CORO1C: variants seen among roughly 807,000 people sequenced by gnomAD.
CORO1C encodes the protein coronin 1C.
A neutral mutation model predicts 51.2 loss-of-function variants in CORO1C; 14 were observed. The observed-to-expected ratio is 0.27, with a 90% CI of 0.18 to 0.43. The LOEUF (loss-of-function observed/expected upper bound fraction) is 0.43. CORO1C is among the 20% of genes least tolerant of loss of function. The probability of loss-of-function intolerance (pLI) is 1.00; values close to 1 mark genes in which losing one functional copy is unlikely to be tolerated. For synonymous variants in CORO1C, 181 were observed against 210.5 expected (o/e 0.86, Z 1.21); for missense variants, 417 against 607.8 (o/e 0.69, Z 3.30).
chr12:108,680,486 C>T (rs370424163), intron 2 of CORO1C, among the ~76,000 whole-genome samples: 10 of 152,322 alleles, frequency 6.6e-5, no homozygotes, highest in African/African-American at 2.4e-4. Context: ...CATTTACAGG[C>T]AGCGAAGTAT....
intron 2 of CORO1C, among the ~76,000 whole-genome samples, chr12:108,680,882 T>C (rs183145202): frequency 6.6e-6 from 1 of 152,354 alleles, no homozygotes; most frequent in East Asian, 1.9e-4. Context: ...CTTGAGTTAC[T>C]ACCCCAGGTA....
chr12:108,701,127 G>C lies in CORO1C; in HGVS notation c.192C>G (p.His64Gln), dbSNP rs200628009. 1.2e-6 allele frequency: 2 copies of C among 1,614,052 alleles called. No individual in the cohort carries two copies. The highest frequency in any genetic ancestry group is 4.5e-5 in the East Asian group (2 of 44,884). The change falls in exon 2 of 11, where the codon CAC (histidine) becomes CAG (glutamine). Residue 64 changes from histidine to glutamine, a missense_variant. By Grantham distance (24) the His-to-Gln change is conservative. Transcript: ENST00000261401. Reference protein sequence around the residue: ...GGGAFLVLPLHKTGRIDKSYP... With the variant: ...GGGAFLVLPLQKTGRIDKSYP... ...AATGGAAGATCAAATTACCTACCTT[G>C]TGCAGAGGGAGGACAAGGAACGCTC...
In CORO1C at chr12:108,646,913, G is replaced by A. The variant is rs1565896276; in HGVS notation, c.*490C>T. ...ACAGTGCTGTCCCTTTCAAATTAAG[G>A]AAAAAAAACCACACACACAAATACT... On this transcript the variant is annotated 3_prime_UTR_variant, in exon 11 of 11. Transcript: ENST00000261401. The A allele has an allele frequency of 6.6e-6, 1 of 151,470 alleles. No homozygotes were observed. Among genetic ancestry groups the A allele is most frequent in the African/African-American group, 2.4e-5 (1 of 41,008 alleles). 9.4% of individuals were successfully genotyped at this position (151,470 alleles called of 1,614,324 possible).
chr12:108,689,600 A>G (rs1057481722), intron 2 of CORO1C, among the ~76,000 whole-genome samples: 1 of 152,178 alleles, frequency 6.6e-6, no homozygotes, highest in Non-Finnish European at 1.5e-5. Flanking sequence ...CTCTATGCCT[A>G]TTATCCAGAC....
Position 108,648,635 on chromosome 12 carries a change from G to A in CORO1C, c.1275C>T (p.Ile425=). 6.2e-6 allele frequency: 10 copies of A among 1,614,192 alleles called. No homozygotes were observed. Among genetic ancestry groups the A allele is most frequent in the Non-Finnish European group, 8.5e-6 (10 of 1,180,030 alleles). Residue 425 remains isoleucine (I), a synonymous_variant, in exon 10 of 11, where the codon ATC becomes ATT. Coordinates refer to ENST00000261401, the MANE Select transcript of CORO1C (RefSeq NM_014325.4). ...TGGCCGTGTCTGTGGTTTTCTTGGG[G>A]ATGCTGATCAGGTCGCACTTCTTGT... ...TANKKCDLIS[I]PKKTTDTASV...
intron 7 of CORO1C, among the ~76,000 whole-genome samples, chr12:108,653,519 A>G (rs1472669042): frequency 1.3e-5 from 2 of 152,210 alleles, no homozygotes; most frequent in African/African-American, 4.8e-5. Context: ...CAACAGCTCC[A>G]CTGTTATTAA....
At chr12:108,706,337 G>A (rs989722685) in intron 1 of CORO1C, among the ~76,000 whole-genome samples, 3 of 152,090 alleles carry the variant, frequency 2.0e-5, no homozygotes, top group African/African-American at 7.2e-5. Flanking sequence ...AATATTCAAT[G>A]GCGAAAGATG....
intron 2 of CORO1C, among the ~76,000 whole-genome samples, chr12:108,679,109 C>CA (rs1183326267): frequency 0.039 from 839 of 21,670 alleles, 35 homozygotes; most frequent in African/African-American, 0.068. Context: ...GACTCTGTCT[C>CA]AAAAAAAAAA....
rs138109873 is a variant in CORO1C at position 108,689,351 on chromosome 12, A to C, written c.196-10957T>G. Among the ~76,000 whole-genome samples the C allele has an allele frequency of 2.2e-3, 339 of 152,358 alleles. 2 individuals carry two copies. The highest frequency in any genetic ancestry group is 7.9e-3 in the African/African-American group (327 of 41,590). ...TGTTTTCACAAAGTAATAAATTCCC[A>C]TGGTGATAAAAAGTGACACATTCAT... is the stretch of plus-strand genomic sequence containing the variant. On this transcript the variant is annotated intron_variant, in intron 2 of 10. Coordinates refer to ENST00000261401, the MANE Select transcript of CORO1C (RefSeq NM_014325.4).
intron 1 of CORO1C, among the ~76,000 whole-genome samples, chr12:108,703,328 A>G (rs1168777662): frequency 1.3e-5 from 2 of 152,246 alleles, no homozygotes; most frequent in Admixed American, 6.5e-5. Flanking sequence ...TAGACAAAGG[A>G]TATGAAGAAT....
intron 1 of CORO1C, among the ~76,000 whole-genome samples, chr12:108,718,200 A>C (rs2035386687): frequency 6.6e-6 from 1 of 152,150 alleles, no homozygotes; most frequent in Admixed American, 6.5e-5. Flanking sequence ...AAAAATATAA[A>C]AAATTAGCCA....
At chr12:108,702,772 T>A (rs2034913477) in intron 1 of CORO1C, 1 of 1,489,646 alleles carries the variant, frequency 6.7e-7, no homozygotes, top group Non-Finnish European at 8.9e-7. Context: ...GAGAGACGAA[T>A]TTATTTTTGC....
rs931609230 is a variant in CORO1C, at chr12:108,711,604, C to G, written c.-5-10281G>C. The stretch of plus-strand genomic sequence containing the variant: ...CTAAGGTAGGAGAATTGCTTGAACT[C>G]GGGAGGCAGAGGTTGCAGTGAACCG... On this transcript the variant is annotated intron_variant, in intron 1 of 10. Coordinates refer to ENST00000261401, the MANE Select transcript of CORO1C (RefSeq NM_014325.4). 6.0e-5 allele frequency among the ~76,000 whole-genome samples: 9 copies of G among 150,028 alleles called. No individual in the cohort carries two copies. The Admixed American group carries it at 6.0e-4, about 10-fold the overall frequency.
At chr12:108,714,535 T>C (rs1448837233) in intron 1 of CORO1C, among the ~76,000 whole-genome samples, 3 of 151,828 alleles carry the variant, frequency 2.0e-5, no homozygotes, top group Admixed American at 1.3e-4. Flanking sequence ...TCCCAGCACT[T>C]TGGGAGGCTG....
intron 1 of CORO1C, among the ~76,000 whole-genome samples, chr12:108,722,724 C>T (rs2035501325): frequency 6.6e-6 from 1 of 152,208 alleles, no homozygotes; most frequent in Admixed American, 6.5e-5. Context: ...CAAATGTACA[C>T]ACTGCCTGCC....
At chr12:108,702,826 C>G in intron 1 of CORO1C, 1 of 1,534,462 alleles carries the variant, frequency 6.5e-7, no homozygotes, top group Non-Finnish European at 8.7e-7. Context: ...AGTGGCCTCT[C>G]TCCAATGCTG....
rs183100267 is a variant in CORO1C, at chr12:108,710,402, A to T, written c.-5-9079T>A. Among the ~76,000 whole-genome samples the T allele has an allele frequency of 3.4e-3, 525 of 152,270 alleles. 4 individuals are homozygous for T. The highest frequency in any genetic ancestry group is 0.012 in the African/African-American group (507 of 41,538). ...TGTTTTCACTTTAAAAAGAAAAAAA[A>T]TGGATTACGGGACAGGTTTTGACTA... On this transcript the variant is annotated intron_variant, in intron 1 of 10. Transcript: ENST00000261401.
chr12:108,681,082 T>C (rs1456460919), intron 2 of CORO1C, among the ~76,000 whole-genome samples: 2 of 152,192 alleles, frequency 1.3e-5, no homozygotes, highest in East Asian at 3.8e-4. Flanking sequence ...GGCACAATCA[T>C]AGCTCACTCC....
chr12:108,654,696 T>C (rs1186527960), intron 6 of CORO1C, among the ~76,000 whole-genome samples: 2 of 151,900 alleles, frequency 1.3e-5, no homozygotes, highest in East Asian at 1.9e-4. Context: ...TTGTTACTGT[T>C]TTCTTTTTCT....
Sources: allele counts gnomAD v4.1 joint callset (sites outside exome capture counted in the v4.1 genomes callset), GRCh38; gene constraint gnomAD v4.1.1; transcripts MANE v1.5; gene names NCBI Gene and HGNC (gene_info 2026-07-23, HGNC 2026-07-21).